The following PRKCB variants were observed in gnomAD, a reference collection of about 807,000 sequenced individuals.
PRKCB encodes protein kinase C beta.
A neutral mutation model predicts 81.5 loss-of-function variants in PRKCB; 13 were observed. The observed-to-expected ratio is 0.16, with a 90% CI of 0.10 to 0.25. The LOEUF (loss-of-function observed/expected upper bound fraction) is 0.25, where lower values mean the gene tolerates loss of function less well. Among genes scored for constraint, PRKCB ranks in the 10% least tolerant of loss-of-function variants. PRKCB has a pLI of 1.00. For missense variants in PRKCB, 509 were observed against 875.7 expected (o/e 0.58, Z 5.29); for synonymous variants, 335 against 321.4 (o/e 1.04, Z -0.45).
At chr16:24,149,190 G>A (rs1399619715) in intron 9 of PRKCB, among the ~76,000 whole-genome samples, 2 of 152,228 alleles carry the variant, frequency 1.3e-5, no homozygotes, top group Non-Finnish European at 2.9e-5. Context: ...AGCCTCAGAA[G>A]TCTTGCAGGG....
At chr16:24,208,612 C>CT (rs757809248) in intron 16 of PRKCB, 28 of 146,892 alleles carry the variant, frequency 1.9e-4, no homozygotes, top group South Asian at 1.5e-3. Flanking sequence ...GTCGGATTTT[C>CT]TTTTTTTTTT....
chr16:23,919,997 A>G (rs1019768920), intron 2 of PRKCB, among the ~76,000 whole-genome samples: 1 of 152,190 alleles, frequency 6.6e-6, no homozygotes, highest in South Asian at 2.1e-4. Context: ...CCTGTTTTCA[A>G]TTCTTTTGGC....
rs769737298 is a variant in PRKCB, at chr16:23,837,387, G to A, written c.186G>A (p.Lys62=). ...TCTGCTTTTGCAGGGGCTTCGGGAAGCAGGGATTCCAGTGCCAAGGTAGGC... is the reference window on the plus strand; with the variant it reads ...TCTGCTTTTGCAGGGGCTTCGGGAAACAGGGATTCCAGTGCCAAGGTAGGC... ...HCTDFIWGFG[K]QGFQCQVCCF... is the part of the protein sequence containing the mutation. The change falls in exon 2 of 17, where the codon AAG becomes AAA. Residue 62 remains lysine, a synonymous_variant. Coordinates refer to ENST00000643927, the MANE Select transcript of PRKCB (RefSeq NM_002738.7). The A allele has an allele frequency of 3.7e-6, 6 of 1,613,306 alleles. No homozygotes were observed. The highest frequency in any genetic ancestry group is 4.2e-6 in the Non-Finnish European group (5 of 1,179,636).
intron 12 of PRKCB, among the ~76,000 whole-genome samples, chr16:24,180,090 G>A (rs886899033): frequency 6.8e-4 from 103 of 151,986 alleles, no homozygotes; most frequent in African/African-American, 2.3e-3. Context: ...GACTACAGGC[G>A]CCCACGACCA....
chr16:24,220,251 T>A lies in PRKCB; in HGVS notation c.*5435T>A. 3 of 1,034,310 alleles carry A rather than the reference T, an allele frequency of 2.9e-6. No individual in the cohort carries two copies. Among genetic ancestry groups the A allele is most frequent in the Non-Finnish European group, 4.2e-6 (3 of 717,746 alleles). The allele number at this position is 1,034,310 out of a possible 1,614,324, so 64.1% of individuals were successfully genotyped here. ...AAGCTTGTCTTAGAGGGCTTTTCTT[T>A]GTATGTGTAGCTTGCTAGTTTGTTT... is the stretch of plus-strand genomic sequence containing the variant. On this transcript the variant is annotated 3_prime_UTR_variant, in exon 17 of 17. Coordinates refer to ENST00000643927, the MANE Select transcript of PRKCB (RefSeq NM_002738.7).
intron 9 of PRKCB, among the ~76,000 whole-genome samples, chr16:24,139,643 G>A (rs1433311348): frequency 6.6e-6 from 1 of 152,178 alleles, no homozygotes; most frequent in Admixed American, 6.5e-5. Context: ...TAAATTACAG[G>A]TGTGGCATGG....
intron 3 of PRKCB, among the ~76,000 whole-genome samples, chr16:24,003,249 G>A (rs1223426825): frequency 2.0e-5 from 3 of 152,028 alleles, no homozygotes; most frequent in Non-Finnish European, 1.5e-5. Flanking sequence ...TTCCTGCGGG[G>A]CCCCTGACTG....
At chr16:24,091,951 T>C (rs1966382220) in intron 5 of PRKCB, among the ~76,000 whole-genome samples, 1 of 152,226 alleles carries the variant, frequency 6.6e-6, no homozygotes, top group Admixed American at 6.5e-5. Context: ...ATAATAGGTG[T>C]ACCTTGGTTT....
At chr16:24,170,362 A>G (rs1967423212) in intron 10 of PRKCB, among the ~76,000 whole-genome samples, 1 of 152,172 alleles carries the variant, frequency 6.6e-6, no homozygotes, top group Non-Finnish European at 1.5e-5. Context: ...AAAAGCCCAC[A>G]GGCTTTCATG....
chr16:24,180,723 G>A (rs1967606633), intron 12 of PRKCB, 67 bp from the exon 13 acceptor site: 3 of 1,560,560 alleles, frequency 1.9e-6, no homozygotes, highest in Non-Finnish European at 1.7e-6. Flanking sequence ...TGCATAATGA[G>A]TGGCTGTTGG....
At position 24,076,399 on chromosome 16, in the gene PRKCB, G is replaced by A. The variant is rs1227533834; in HGVS notation, c.530-16392G>A. On this transcript the variant is annotated intron_variant, in intron 5 of 16. Coordinates refer to ENST00000643927, the MANE Select transcript of PRKCB (RefSeq NM_002738.7). ...GGGTGAATCATGGAGCAAAAAGGGG[G>A]CCTTATCTGCTTCTTCATCCATTCT... Among the ~76,000 whole-genome samples the A allele has an allele frequency of 3.9e-5, 6 of 152,244 alleles. No individual in the cohort carries two copies. In the East Asian group the frequency reaches 1.2e-3, roughly 29 times the overall value.
chr16:24,064,736 A>G (rs1966011558), intron 5 of PRKCB, among the ~76,000 whole-genome samples: 1 of 151,666 alleles, frequency 6.6e-6, no homozygotes, highest in Admixed American at 6.6e-5. Flanking sequence ...TGGTTTGTAT[A>G]TTTTGAAGCA....
chr16:24,134,338 A>G (rs1256141078), intron 9 of PRKCB, among the ~76,000 whole-genome samples: 2 of 152,082 alleles, frequency 1.3e-5, no homozygotes, highest in Non-Finnish European at 2.9e-5. Flanking sequence ...GCTCATGGCT[A>G]TAATCCCAGA....
rs796078813 is a variant in PRKCB at position 24,061,067 on chromosome 16, C to CT, written c.529+25531dup. On this transcript the variant is annotated intron_variant, in intron 5 of 16. Transcript: ENST00000643927. Reference sequence around the variant, plus strand: ...TAGGTGCTTGTTAATAATTTTTAATCTTTTTTTTTTTGAGACAGGGTCTTG... The same window carrying CT: ...TAGGTGCTTGTTAATAATTTTTAATCTTTTTTTTTTTTGAGACAGGGTCTTG... 6.9e-3 allele frequency among the ~76,000 whole-genome samples: 1,008 copies of CT among 147,046 alleles called. 8 individuals are homozygous for CT. The highest frequency in any genetic ancestry group is 0.027 in the South Asian group (124 of 4,654).
intron 2 of PRKCB, among the ~76,000 whole-genome samples, chr16:23,962,798 C>T (rs953668939): frequency 5.3e-5 from 8 of 151,430 alleles, no homozygotes; most frequent in Admixed American, 1.3e-4. Flanking sequence ...TTTTTGGTTA[C>T]ATGGATAAGT....
intron 2 of PRKCB, among the ~76,000 whole-genome samples, chr16:23,888,838 A>G (rs1963244733): frequency 6.6e-6 from 1 of 152,140 alleles, no homozygotes; most frequent in Non-Finnish European, 1.5e-5. Flanking sequence ...GCAAGCACAC[A>G]TTATGTCTTA....
At chr16:23,892,688 A>G (rs1036670470) in intron 2 of PRKCB, among the ~76,000 whole-genome samples, 4 of 152,230 alleles carry the variant, frequency 2.6e-5, no homozygotes, top group Non-Finnish European at 5.9e-5. Context: ...ACCGGTATAC[A>G]GCACTGAACG....
chr16:24,211,654 G>T (rs533110913), intron 16 of PRKCB, among the ~76,000 whole-genome samples: 3 of 151,614 alleles, frequency 2.0e-5, no homozygotes, highest in African/African-American at 7.3e-5. Context: ...TGCCTCCTGG[G>T]TTTAAGTGAT....
chr16:23,978,208 C>T (rs527596677), intron 2 of PRKCB, among the ~76,000 whole-genome samples: 1 of 152,304 alleles, frequency 6.6e-6, no homozygotes, highest in South Asian at 2.1e-4. Flanking sequence ...CGACTCTGGA[C>T]CAGTGAACCC....
Sources: gnomAD v4.1 joint callset for allele counts (sites outside exome capture counted in the v4.1 genomes callset) on GRCh38, gnomAD v4.1.1 for gene constraint, MANE v1.5 for transcripts, NCBI Gene and HGNC (gene_info 2026-07-23, HGNC 2026-07-21) for gene names.